The following LOC128462377 variants were observed in gnomAD, a reference collection of about 807,000 sequenced individuals.
the LOC128462377 span, chr16:89,360,646 T>A: frequency 1.3e-5 from 2 of 152,218 alleles, no homozygotes; most frequent in African/African-American, 4.8e-5. Flanking sequence ...ATTCATGGTA[T>A]GTTCGGAACC....
At chr16:89,379,533 A>C in the LOC128462377 span, among the ~76,000 whole-genome samples, 1 of 152,274 alleles carries the variant, frequency 6.6e-6, no homozygotes, top group East Asian at 1.9e-4. Flanking sequence ...TGTCGCCCAG[A>C]CAGAGCTCAG....
At chr16:89,384,879 C>CTTTTTTTTTTTTTCTTTTTTTTTTTTTTT in the LOC128462377 span, among the ~76,000 whole-genome samples, 1 of 49,910 alleles carries the variant, frequency 2.0e-5, no homozygotes, top group Non-Finnish European at 3.5e-5. Flanking sequence ...AAATAGTTTT[C>CTTTTTTTTTTTTTCTTTTTTTTTTTTTTT]TTTTTTTTTT....
the LOC128462377 span, among the ~76,000 whole-genome samples, chr16:89,362,598 A>G: frequency 6.6e-6 from 1 of 152,262 alleles, no homozygotes; most frequent in African/African-American, 2.4e-5. Context: ...CTAATTAAAA[A>G]TAAATAGTAA....
At chr16:89,348,053 C>A in the LOC128462377 span, among the ~76,000 whole-genome samples, 1 of 152,066 alleles carries the variant, frequency 6.6e-6, no homozygotes, top group East Asian at 1.9e-4. Context: ...CCCACCTCAG[C>A]CTCCAGGGTA....
At chr16:89,374,492 G>A in the LOC128462377 span, among the ~76,000 whole-genome samples, 1 of 152,184 alleles carries the variant, frequency 6.6e-6, no homozygotes, top group African/African-American at 2.4e-5. Context: ...GAAAAAGCCT[G>A]TCAAGCCCTG....
At chr16:89,328,270 T>A in the LOC128462377 span, among the ~76,000 whole-genome samples, 2 of 152,212 alleles carry the variant, frequency 1.3e-5, no homozygotes, top group Non-Finnish European at 2.9e-5. Context: ...GTGTTGCTGC[T>A]CTGGAGAACA....
At chr16:89,368,609 A>T in the LOC128462377 span, among the ~76,000 whole-genome samples, 7 of 121,844 alleles carry the variant, frequency 5.7e-5, no homozygotes, top group Admixed American at 2.4e-4. Context: ...CGCAGCTCTT[A>T]AAAAAAAAAA....
the LOC128462377 span, among the ~76,000 whole-genome samples, chr16:89,341,994 G>C: frequency 7.9e-5 from 7 of 88,332 alleles, 1 homozygote; most frequent in Admixed American, 8.2e-4. Context: ...TCCACCCACA[G>C]CGGCCACAGC....
At chr16:89,410,451 C>T in the LOC128462377 span, among the ~76,000 whole-genome samples, 1 of 152,066 alleles carries the variant, frequency 6.6e-6, no homozygotes, top group Non-Finnish European at 1.5e-5. Context: ...TGGTCTTAGC[C>T]CTCAGACCAG....
the LOC128462377 span, among the ~76,000 whole-genome samples, chr16:89,414,638 C>T: frequency 6.6e-6 from 1 of 152,166 alleles, no homozygotes; most frequent in Admixed American, 6.5e-5. Flanking sequence ...GAGACTGAGG[C>T]TCGGAGAGTG....
At chr16:89,400,829 C>A in the LOC128462377 span, among the ~76,000 whole-genome samples, 6 of 151,566 alleles carry the variant, frequency 4.0e-5, no homozygotes, top group Admixed American at 2.0e-4. Context: ...GCGCTGGAGG[C>A]TGGTCATCTG....
At chr16:89,405,465 C>T in the LOC128462377 span, among the ~76,000 whole-genome samples, 3 of 150,368 alleles carry the variant, frequency 2.0e-5, no homozygotes, top group Non-Finnish European at 4.4e-5. Context: ...GCTGTGACTA[C>T]AGGCACGTGC....
chr16:89,415,105 C>T, the LOC128462377 span, among the ~76,000 whole-genome samples: 1 of 152,052 alleles, frequency 6.6e-6, no homozygotes, highest in African/African-American at 2.4e-5. Flanking sequence ...GCATGCATGC[C>T]ACCATGCCTG....
the LOC128462377 span, among the ~76,000 whole-genome samples, chr16:89,369,990 C>T: frequency 6.6e-6 from 1 of 152,192 alleles, no homozygotes; most frequent in Non-Finnish European, 1.5e-5. Context: ...CTCAGAGAGG[C>T]TGGGGGCCTG....
chr16:89,375,117 T>C, the LOC128462377 span, among the ~76,000 whole-genome samples: 1 of 151,964 alleles, frequency 6.6e-6, no homozygotes, highest in African/African-American at 2.4e-5. Flanking sequence ...AGCAGAAGTG[T>C]ATACAACTCA....
chr16:89,371,078 G>A, the LOC128462377 span, among the ~76,000 whole-genome samples: 30 of 152,256 alleles, frequency 2.0e-4, no homozygotes, highest in African/African-American at 6.3e-4. Flanking sequence ...GGTGAGAAAC[G>A]TTCAACTGCG....
chr16:89,324,883 A>G, the LOC128462377 span: 5 of 238,180 alleles, frequency 2.1e-5, no homozygotes, highest in Admixed American at 1.6e-4. Context: ...TGACTGTGTG[A>G]GTCAATACTC....
At chr16:89,393,511 A>G in the LOC128462377 span, among the ~76,000 whole-genome samples, 18 of 88,642 alleles carry the variant, frequency 2.0e-4, no homozygotes, top group Non-Finnish European at 4.0e-4. Context: ...TTTTTTTTGT[A>G]TTTTTAATAA....
chr16:89,328,126 G>C, the LOC128462377 span, among the ~76,000 whole-genome samples: 1 of 144,470 alleles, frequency 6.9e-6, no homozygotes, highest in Admixed American at 7.1e-5. Flanking sequence ...AAGCCGTTAG[G>C]GAAACACAAC....
Sources: gnomAD v4.1 joint callset for allele counts (sites outside exome capture counted in the v4.1 genomes callset) on GRCh38, gnomAD v4.1.1 for gene constraint, MANE v1.5 for transcripts.